The following ME3 variants were observed in gnomAD, a reference collection of about 807,000 sequenced individuals.
ME3 encodes NADP-dependent malic enzyme, mitochondrial.
ME3 carries 48 observed loss-of-function variants against 68.9 expected under a neutral mutation model. That is an observed-to-expected ratio of 0.70 (90% CI 0.55 to 0.89). The LOEUF is 0.89. Among genes scored for constraint, ME3 ranks in the 40% least tolerant of loss-of-function variants. ME3 has a pLI of 0.00. For missense variants in ME3, 675 were observed against 797.4 expected, an observed-to-expected ratio of 0.85 and a Z score of 1.85; for synonymous variants, 320 against 318.8, an observed-to-expected ratio of 1.00 and a Z score of -0.04.
intron 2 of ME3, among the ~76,000 whole-genome samples, chr11:86,574,562 T>C (rs1273921801): frequency 2.6e-5 from 4 of 152,162 alleles, no homozygotes; most frequent in Admixed American, 1.3e-4. Flanking sequence ...CCAGTGGAGG[T>C]TGCAGATCAG....
chr11:86,574,397 CG>C (rs376489722), intron 2 of ME3, among the ~76,000 whole-genome samples: 19,279 of 58,072 alleles, frequency 0.33, 2,676 homozygotes, highest in African/African-American at 0.46. Flanking sequence ...TATTTGTTGC[CG>C]GGGGGGGGGG....
intron 2 of ME3, among the ~76,000 whole-genome samples, chr11:86,602,083 A>G (rs1960785421): frequency 6.6e-6 from 1 of 150,722 alleles, no homozygotes; most frequent in Non-Finnish European, 1.5e-5. Context: ...TATTCAACAT[A>G]GTGTTGGAAG....
intron 2 of ME3, among the ~76,000 whole-genome samples, chr11:86,665,408 T>C (rs925882123): frequency 2.0e-5 from 3 of 152,060 alleles, no homozygotes; most frequent in African/African-American, 7.2e-5. Flanking sequence ...ACTATGTGGC[T>C]ATGGAGGGGT....
intron 8 of ME3, 39 bp downstream of exon 8, chr11:86,465,048 AAGTT>A: frequency 6.7e-7 from 1 of 1,484,736 alleles, no homozygotes; most frequent in Non-Finnish European, 9.4e-7. Context: ...TTGAGAATAT[AAGTT>A]AGTCCCCTGT....
chr11:86,536,241 C>T (rs925751649), intron 4 of ME3, among the ~76,000 whole-genome samples: 3 of 151,538 alleles, frequency 2.0e-5, no homozygotes, highest in Non-Finnish European at 2.9e-5. Context: ...ACTTCATGTC[C>T]AAAACACCAA....
At chr11:86,560,262 T>C (rs1957142054) in intron 2 of ME3, among the ~76,000 whole-genome samples, 1 of 152,138 alleles carries the variant, frequency 6.6e-6, no homozygotes, top group Admixed American at 6.5e-5. Context: ...GAGTGAGTTC[T>C]CATGAGATCT....
intron 4 of ME3, among the ~76,000 whole-genome samples, chr11:86,523,343 T>C (rs932497227): frequency 1.3e-5 from 2 of 152,218 alleles, no homozygotes; most frequent in Non-Finnish European, 1.5e-5. Flanking sequence ...GTAATATCAC[T>C]GAGGTAAGTT....
chr11:86,504,229 C>G (rs961312028), intron 5 of ME3, among the ~76,000 whole-genome samples: 4 of 152,066 alleles, frequency 2.6e-5, no homozygotes, highest in Non-Finnish European at 5.9e-5. Flanking sequence ...GATACCTGTG[C>G]CTTGAAAAAC....
chr11:86,461,680 C>T (rs117276557), intron 8 of ME3, among the ~76,000 whole-genome samples: 2 of 152,152 alleles, frequency 1.3e-5, no homozygotes, highest in African/African-American at 2.4e-5. Flanking sequence ...CTCTCTGAGG[C>T]TCTGCATGAT....
intron 4 of ME3, among the ~76,000 whole-genome samples, chr11:86,529,432 G>A (rs1955030663): frequency 1.3e-5 from 2 of 152,106 alleles, no homozygotes; most frequent in Admixed American, 1.3e-4. Flanking sequence ...AGAGATACAG[G>A]GAGGAGCTGG....
At chr11:86,448,406 A>G (rs1311797121) in intron 10 of ME3, 151 bp from the exon 11 acceptor site, 5 of 628,882 alleles carry the variant, frequency 8.0e-6, no homozygotes, top group African/African-American at 1.8e-5. Context: ...TCTTGACTAC[A>G]TTTCCTGGCA....
chr11:86,612,223 C>T (rs1421673275), intron 2 of ME3, among the ~76,000 whole-genome samples: 1 of 152,196 alleles, frequency 6.6e-6, no homozygotes, highest in Non-Finnish European at 1.5e-5. Flanking sequence ...TCATCCACGT[C>T]CCTGCAAAGG....
intron 4 of ME3, among the ~76,000 whole-genome samples, chr11:86,555,727 T>C (rs547146116): frequency 3.9e-5 from 6 of 152,372 alleles, no homozygotes; most frequent in East Asian, 1.9e-4. Context: ...TAAAAAAAGC[T>C]GTTTTGAATC....
chr11:86,602,621 A>G (rs1960892493), intron 2 of ME3, among the ~76,000 whole-genome samples: 1 of 152,164 alleles, frequency 6.6e-6, no homozygotes, highest in Admixed American at 6.5e-5. Context: ...GTTCATATGG[A>G]ACCAAAAAAG....
chr11:86,457,865 CAA>C, intron 8 of ME3: 1 of 1,114,612 alleles, frequency 9.0e-7, no homozygotes, highest in African/African-American at 1.6e-5. Flanking sequence ...GGAAATAGCA[CAA>C]AAGGACATGC....
chr11:86,631,852 C>A (rs973650763), intron 2 of ME3, among the ~76,000 whole-genome samples: 7 of 152,144 alleles, frequency 4.6e-5, no homozygotes, highest in African/African-American at 1.7e-4. Flanking sequence ...CCTGCCTCAG[C>A]CTCCTGAATA....
At chr11:86,476,096 TTG>T (rs1951070566) in intron 7 of ME3, among the ~76,000 whole-genome samples, 1 of 152,148 alleles carries the variant, frequency 6.6e-6, no homozygotes, top group Non-Finnish European at 1.5e-5. Flanking sequence ...TTTGCATATG[TTG>T]TGTTAAAACC....
chr11:86,516,837 A>C (rs576483802), intron 4 of ME3, among the ~76,000 whole-genome samples: 106 of 152,316 alleles, frequency 7.0e-4, no homozygotes, highest in Admixed American at 1.3e-3. Flanking sequence ...ATTTCCAAAA[A>C]AGACCACAGG....
At chr11:86,492,610 C>T (rs1952070924) in intron 6 of ME3, among the ~76,000 whole-genome samples, 1 of 152,150 alleles carries the variant, frequency 6.6e-6, no homozygotes, top group Admixed American at 6.5e-5. Context: ...CCTTTGGAAC[C>T]AAGTAAGTCA....
Sources: gnomAD v4.1 joint callset for allele counts (sites outside exome capture counted in the v4.1 genomes callset) on GRCh38, gnomAD v4.1.1 for gene constraint, MANE v1.5 for transcripts, NCBI Gene and HGNC (gene_info 2026-07-23, HGNC 2026-07-21) for gene names.